The following PTGIS variants were observed in gnomAD, a reference collection of about 807,000 sequenced individuals.
PTGIS encodes the protein prostaglandin I2 synthase.
PTGIS carries 45 observed loss-of-function variants against 50.3 expected under a neutral mutation model. The observed-to-expected ratio is 0.90, with a 90% CI of 0.70 to 1.15. The LOEUF (loss-of-function observed/expected upper bound fraction) is 1.15, where lower values mean the gene tolerates loss of function less well. Among genes scored for constraint, PTGIS ranks in the 50% most tolerant of loss-of-function variants. The pLI is 0.00. For missense variants in PTGIS, 668 were observed against 661.3 expected (o/e 1.01, Z -0.11); for synonymous variants, 260 against 267.7 (o/e 0.97, Z 0.28).
At chr20:49,526,828 G>C (rs1414630786) in intron 5 of PTGIS, among the ~76,000 whole-genome samples, 2 of 152,196 alleles carry the variant, frequency 1.3e-5, no homozygotes, top group African/African-American at 2.4e-5. Flanking sequence ...TAGGAAATAA[G>C]TGATGGTGAG....
In PTGIS at chr20:49,514,251, C is replaced by T. The variant is rs781249105; in HGVS notation, c.1000G>A (p.Val334Ile). The change falls in exon 7 of 10, where the codon GTT becomes ATT. Residue 334 changes from valine to isoleucine, a missense_variant. By Grantham distance (29) the Val-to-Ile change is conservative. Transcript: ENST00000244043. ...VSQTTTLPQK[V>I]LDSTPVLDSV... ...CCAAGCACAGGTGTGCTGTCTAGAA[C>T]CTTCTGTGGGAGAGTGGTCGTCTGC... The T allele has an allele frequency of 6.2e-7, 1 of 1,613,882 alleles. No homozygotes were observed. The highest frequency in any genetic ancestry group is 1.3e-5 in the African/African-American group (1 of 74,910).
intron 5 of PTGIS, among the ~76,000 whole-genome samples, chr20:49,536,536 A>C (rs1466957009): frequency 7.7e-6 from 1 of 130,330 alleles, no homozygotes; most frequent in East Asian, 2.2e-4. Context: ...GCTGGAGTGC[A>C]GTGGCACAAT....
rs1981080522 is a variant in PTGIS, at chr20:49,504,311, T to G, written c.*3609A>C. The G allele has an allele frequency of 1.3e-5, 2 of 152,268 alleles. No individual in the cohort carries two copies. Among genetic ancestry groups the G allele is most frequent in the Admixed American group, 1.3e-4 (2 of 15,286 alleles). 9.4% of individuals were successfully genotyped at this position (152,268 alleles called of 1,614,324 possible). A position where few individuals can be genotyped will look rare whatever the true frequency, so the allele number is the denominator to read the frequency against. ...ATGGAGCCCCCTTCCCCAGCGAATT[T>G]ATTTTTCATGGTCACTTTCTATTTT... On this transcript the variant is annotated 3_prime_UTR_variant, in exon 10 of 10. Transcript: ENST00000244043.
chr20:49,556,063 G>A (rs1018918404), intron 1 of PTGIS, among the ~76,000 whole-genome samples: 1 of 152,156 alleles, frequency 6.6e-6, no homozygotes, highest in Non-Finnish European at 1.5e-5. Context: ...GTTTTACAGA[G>A]TCAAGAAAAC....
intron 8 of PTGIS, among the ~76,000 whole-genome samples, chr20:49,512,365 A>G (rs1475990306): frequency 6.6e-6 from 1 of 151,842 alleles, no homozygotes; most frequent in Non-Finnish European, 1.5e-5. Flanking sequence ...GGCTGGATGG[A>G]TAAATGAATG....
At chr20:49,564,483 C>T (rs1568688721) in intron 1 of PTGIS, among the ~76,000 whole-genome samples, 1 of 152,114 alleles carries the variant, frequency 6.6e-6, no homozygotes, top group Non-Finnish European at 1.5e-5. Flanking sequence ...GATCTCCTGA[C>T]CTCTTGATCG....
intron 6 of PTGIS, among the ~76,000 whole-genome samples, chr20:49,523,804 C>T (rs8121008): frequency 0.012 from 1,791 of 152,208 alleles, 34 homozygotes; most frequent in African/African-American, 0.036. Flanking sequence ...AAAAGAATAC[C>T]GAATGAATGT....
intron 5 of PTGIS, among the ~76,000 whole-genome samples, chr20:49,525,987 T>C (rs889170146): frequency 2.6e-5 from 4 of 152,232 alleles, no homozygotes; most frequent in Non-Finnish European, 5.9e-5. Flanking sequence ...TTGAGCTCAT[T>C]GTTTTACATT....
chr20:49,550,894 T>C (rs967565364), intron 1 of PTGIS, among the ~76,000 whole-genome samples: 9 of 152,210 alleles, frequency 5.9e-5, no homozygotes, highest in Non-Finnish European at 8.8e-5. Flanking sequence ...TGAAGTTTTT[T>C]TTCCTGCTTT....
intron 1 of PTGIS, among the ~76,000 whole-genome samples, chr20:49,559,926 C>CTT (rs58437903): frequency 3.6e-4 from 52 of 142,638 alleles, no homozygotes; most frequent in Admixed American, 2.5e-3. Flanking sequence ...GAATTATACA[C>CTT]TTTTTTTTTT....
At chr20:49,561,867 G>T (rs1334768771) in intron 1 of PTGIS, among the ~76,000 whole-genome samples, 1 of 152,166 alleles carries the variant, frequency 6.6e-6, no homozygotes. Context: ...TTTACCTAGT[G>T]CCAACTACAC....
intron 5 of PTGIS, among the ~76,000 whole-genome samples, chr20:49,530,542 A>G (rs1458644579): frequency 2.0e-5 from 3 of 152,128 alleles, no homozygotes; most frequent in Non-Finnish European, 4.4e-5. Flanking sequence ...AATTCCCACC[A>G]CCAGTGCGAA....
chr20:49,515,030 C>T (rs6012681), intron 6 of PTGIS, among the ~76,000 whole-genome samples: 4 of 152,148 alleles, frequency 2.6e-5, no homozygotes, highest in Non-Finnish European at 4.4e-5. Context: ...CCCACAGACC[C>T]GTGAGTTAAA....
At chr20:49,558,152 G>A (rs560253463) in intron 1 of PTGIS, among the ~76,000 whole-genome samples, 1 of 152,302 alleles carries the variant, frequency 6.6e-6, no homozygotes, top group South Asian at 2.1e-4. Flanking sequence ...ACTCTGGGAG[G>A]CCAAAGTGGG....
rs572348796 is a variant in PTGIS, at chr20:49,560,581, G to A, written c.74+7462C>T. On this transcript the variant is annotated intron_variant, in intron 1 of 9. Coordinates refer to ENST00000244043, the MANE Select transcript of PTGIS (RefSeq NM_000961.4). Reference sequence around the variant, plus strand: ...AACAGGGTGGTGTGAGACAGTGAGGGGGGCTGGTTTACAAAAGGTGGTCAA... The same window carrying A: ...AACAGGGTGGTGTGAGACAGTGAGGAGGGCTGGTTTACAAAAGGTGGTCAA... 7.3e-5 allele frequency among the ~76,000 whole-genome samples: 11 copies of A among 150,156 alleles called. No homozygotes were observed. In the East Asian group the frequency reaches 9.7e-4, roughly 13 times the overall value.
intron 1 of PTGIS, among the ~76,000 whole-genome samples, chr20:49,553,256 A>G (rs1191230259): frequency 6.6e-6 from 1 of 152,108 alleles, no homozygotes; most frequent in Non-Finnish European, 1.5e-5. Context: ...GAGAATTATC[A>G]TTGTGTAACT....
At chr20:49,509,010 T>G (rs956891983) in intron 9 of PTGIS, among the ~76,000 whole-genome samples, 1 of 152,208 alleles carries the variant, frequency 6.6e-6, no homozygotes, top group African/African-American at 2.4e-5. Flanking sequence ...GGGATTCTTT[T>G]GTCTCACTGA....
At position 49,568,047 on chromosome 20, in the gene PTGIS, T is replaced by C. The variant is rs912939306; in HGVS notation, c.70A>G (p.Thr24Ala). 25 of 1,478,038 alleles carry C rather than the reference T, an allele frequency of 1.7e-5. No individual in the cohort carries two copies. Among genetic ancestry groups the C allele is most frequent in the Non-Finnish European group, 2.2e-5 (25 of 1,120,630 alleles). The allele number at this position is 1,478,038 out of a possible 1,614,324, so 91.6% of individuals were successfully genotyped here. A position where few individuals can be genotyped will look rare whatever the true frequency, so the allele number is the denominator to read the frequency against. The change falls in exon 1 of 10, where the codon ACG (threonine) becomes GCG (alanine). Residue 24 changes from threonine to alanine, a missense_variant. Coordinates refer to ENST00000244043, the MANE Select transcript of PTGIS (RefSeq NM_000961.4). Reference protein sequence around the residue: ...LLLLLLSRRRTRRPGEPPLDL... With the variant: ...LLLLLLSRRRARRPGEPPLDL... ...CGAGCGGAGCAGGACACTCACCGCG[T>C]GCGGCGGCGGCTCAGTAGCAGCAGC...
In PTGIS at chr20:49,507,814, C is replaced by T; in HGVS notation, c.*106G>A. 2 of 1,481,570 alleles carry T rather than the reference C, an allele frequency of 1.3e-6. No individual in the cohort carries two copies. The highest frequency in any genetic ancestry group is 1.8e-6 in the Non-Finnish European group (2 of 1,085,552). 91.8% of individuals were successfully genotyped at this position (1,481,570 alleles called of 1,614,324 possible). On this transcript the variant is annotated 3_prime_UTR_variant, in exon 10 of 10. Transcript: ENST00000244043. ...GGAGAAAAGCAGGGAAGTGGTAATG[C>T]TAGCACCTGCACCCGGGCCAACTGT...
Sources: allele counts gnomAD v4.1 joint callset (sites outside exome capture counted in the v4.1 genomes callset), GRCh38; gene constraint gnomAD v4.1.1; transcripts MANE v1.5; gene names NCBI Gene and HGNC (gene_info 2026-07-23, HGNC 2026-07-21).